Variants in FMN1 observed in about 807,000 individuals in gnomAD.
FMN1 encodes the protein formin 1.
FMN1 carries 110 observed loss-of-function variants against 132.4 expected under a neutral mutation model. That is an observed-to-expected ratio of 0.83 (90% confidence interval 0.71 to 0.97). FMN1 has a LOEUF of 0.97. Ranked by LOEUF, FMN1 falls within the 50% of genes least tolerant of loss-of-function variation. The pLI is 0.00. For missense variants in FMN1, 1,792 were observed against 1,705.3 expected (o/e 1.05, Z -0.90); for synonymous variants, 722 against 651.7 (o/e 1.11, Z -1.64).
intron 8 of FMN1, among the ~76,000 whole-genome samples, chr15:32,966,442 C>T (rs1029771910): frequency 3.9e-5 from 6 of 152,028 alleles, no homozygotes; most frequent in Admixed American, 2.0e-4. Context: ...TGGTGGTCAA[C>T]TGACCACTGA....
chr15:33,127,189 C>T (rs1031701387), intron 4 of FMN1, among the ~76,000 whole-genome samples: 4 of 152,172 alleles, frequency 2.6e-5, no homozygotes, highest in East Asian at 1.9e-4. Flanking sequence ...CAGGCCAGAT[C>T]TGTTTCTCCT....
rs1964590678 is a variant in FMN1 at position 33,154,521 on chromosome 15, A to G, written c.394T>C (p.Cys132Arg). The G allele has an allele frequency of 6.5e-7, 1 of 1,535,926 alleles. No homozygotes were observed. Among genetic ancestry groups the G allele is most frequent in the African/African-American group, 1.4e-5 (1 of 73,018 alleles). ...TGCCAGTCACCAGCACTCTGGAAAC[A>G]GTCATCCTCGGGGGCCAGGCTCACG... is the stretch of plus-strand genomic sequence containing the variant. ...LSVSLAPEDD[C>R]FQSAGDWQGE... Residue 132 changes from cysteine to arginine, a missense_variant, in exon 4 of 21, where the codon TGT (cysteine) becomes CGT (arginine). Around this residue, in one of 3 missense-constraint regions of FMN1, gnomAD observed 638 missense variants for 645.2 expected, o/e 0.99. Transcript: ENST00000616417.
intron 17 of FMN1, among the ~76,000 whole-genome samples, chr15:32,843,144 AAAAAG>A (rs901668413): frequency 3.3e-5 from 5 of 151,780 alleles, no homozygotes; most frequent in East Asian, 1.9e-4. Flanking sequence ...AGAAAAAAAA[AAAAAG>A]AAAGAAAGGT....
chr15:33,072,233 T>C lies in FMN1; in HGVS notation c.2044-7159A>G, dbSNP rs548747562. On this transcript the variant is annotated intron_variant, in intron 5 of 20. Coordinates refer to ENST00000616417, the MANE Select transcript of FMN1 (RefSeq NM_001277313.2). ...ACTGTATGGGTTCACCTATACAATA[T>C]GTTTTCAACCAAAAGAAGATGGAAA... Among the ~76,000 whole-genome samples, 3 of 152,358 alleles carry C rather than the reference T, an allele frequency of 2.0e-5. No individual in the cohort carries two copies. In the East Asian group the frequency reaches 5.8e-4, roughly 29 times the overall value.
intron 6 of FMN1, among the ~76,000 whole-genome samples, chr15:33,048,691 G>A (rs1452627970): frequency 1.5e-5 from 2 of 134,950 alleles, no homozygotes; most frequent in Non-Finnish European, 3.1e-5. Flanking sequence ...GGCTGAGAAG[G>A]CCTCACAATC....
At chr15:32,971,665 A>T (rs1204370606) in intron 7 of FMN1, among the ~76,000 whole-genome samples, 1 of 152,242 alleles carries the variant, frequency 6.6e-6, no homozygotes, top group African/African-American at 2.4e-5. Flanking sequence ...TTCTTTCAAG[A>T]TTAAGAATCA....
At chr15:33,151,531 T>C (rs1020222452) in intron 4 of FMN1, among the ~76,000 whole-genome samples, 1 of 152,166 alleles carries the variant, frequency 6.6e-6, no homozygotes, top group African/African-American at 2.4e-5. Context: ...CCAGATACAC[T>C]GGAGCTTTTA....
intron 5 of FMN1, among the ~76,000 whole-genome samples, chr15:33,069,993 C>CTCTCTT (rs398026774): frequency 2.2e-4 from 16 of 74,294 alleles, no homozygotes; most frequent in Admixed American, 5.6e-4. Context: ...CAGTCTTTCT[C>CTCTCTT]TTTTTTTTTT....
At chr15:33,165,828 G>T (rs1212891436) in intron 3 of FMN1, among the ~76,000 whole-genome samples, 2 of 152,170 alleles carry the variant, frequency 1.3e-5, no homozygotes, top group Admixed American at 1.3e-4. Context: ...CAAGGAGGAA[G>T]GTGGGGACCA....
At chr15:32,947,313 T>G (rs2061531538) in intron 9 of FMN1, among the ~76,000 whole-genome samples, 1 of 152,142 alleles carries the variant, frequency 6.6e-6, no homozygotes, top group Non-Finnish European at 1.5e-5. Context: ...TTGTCATGTA[T>G]TAGTTTCCAT....
intron 16 of FMN1, among the ~76,000 whole-genome samples, chr15:32,873,124 C>T (rs904385387): frequency 6.6e-6 from 1 of 152,138 alleles, no homozygotes; most frequent in African/African-American, 2.4e-5. Context: ...AATCCTATTC[C>T]AGCTAAAATA....
Position 33,054,612 on chromosome 15 carries a change from C to A in FMN1, c.2161+10345G>T, listed in dbSNP as rs530871398. ...ACCCAATTACCCTTTCCCTCCTCTT[C>A]TACATGAAATGGTCGCAATAGATTA... On this transcript the variant is annotated intron_variant, in intron 6 of 20. Transcript: ENST00000616417. Among the ~76,000 whole-genome samples the A allele has an allele frequency of 5.1e-4, 77 of 152,290 alleles. 3 individuals carry two copies. In the South Asian group the frequency reaches 0.015, roughly 29 times the overall value.
At chr15:33,064,277 A>T (rs1050453055) in intron 6 of FMN1, 7 of 152,218 alleles carry the variant, frequency 4.6e-5, no homozygotes, top group African/African-American at 1.7e-4. Flanking sequence ...GGTTTCATGG[A>T]TATATACACA....
chr15:32,767,442 G>A lies in FMN1; in HGVS notation c.*6868C>T, dbSNP rs1026771934. The A allele has an allele frequency of 6.6e-6, 1 of 152,142 alleles. No homozygotes were observed. Among genetic ancestry groups the A allele is most frequent in the East Asian group, 1.9e-4 (1 of 5,182 alleles). 9.4% of individuals were successfully genotyped at this position (152,142 alleles called of 1,614,324 possible). ...TCAGGTTCTAGGCATGCAGGCCAGT[G>A]CTTATTTTCCAGGCCAAAGCACGAT... On this transcript the variant is annotated 3_prime_UTR_variant, in exon 21 of 21. Transcript: ENST00000616417.
At chr15:33,001,175 CAA>C (rs986922734) in intron 7 of FMN1, among the ~76,000 whole-genome samples, 25 of 152,232 alleles carry the variant, frequency 1.6e-4, no homozygotes, top group Admixed American at 1.4e-3. Flanking sequence ...TCCAGCTACT[CAA>C]GAGGCTGAGG....
At chr15:33,130,107 T>C (rs865900395) in intron 4 of FMN1, among the ~76,000 whole-genome samples, 2 of 152,200 alleles carry the variant, frequency 1.3e-5, no homozygotes, top group Non-Finnish European at 2.9e-5. Flanking sequence ...ACTGGGATTA[T>C]AGGCATGAGC....
At chr15:33,090,473 G>A (rs1053258233) in intron 4 of FMN1, among the ~76,000 whole-genome samples, 1 of 152,166 alleles carries the variant, frequency 6.6e-6, no homozygotes, top group African/African-American at 2.4e-5. Flanking sequence ...GCAGGTCACA[G>A]TGTGTCTATA....
intron 16 of FMN1, among the ~76,000 whole-genome samples, chr15:32,880,236 T>A (rs1241140615): frequency 6.6e-6 from 1 of 152,130 alleles, no homozygotes; most frequent in Non-Finnish European, 1.5e-5. Context: ...ATATGGAAAC[T>A]CTGATTATTC....
intron 6 of FMN1, among the ~76,000 whole-genome samples, chr15:33,017,608 T>C (rs751281186): frequency 1.3e-5 from 2 of 152,216 alleles, no homozygotes; most frequent in Non-Finnish European, 2.9e-5. Flanking sequence ...AGAAATCCCA[T>C]GAATTTAGGA....
Sources: allele counts gnomAD v4.1 joint callset (sites outside exome capture counted in the v4.1 genomes callset), GRCh38; gene constraint gnomAD v4.1.1; regional missense constraint gnomAD v4.1.1; transcripts MANE v1.5; gene names NCBI Gene and HGNC (gene_info 2026-07-23, HGNC 2026-07-21).